The following CHST6 variants were observed in gnomAD, a reference collection of about 807,000 sequenced individuals.
CHST6 encodes the protein carbohydrate sulfotransferase 6.
For missense variants in CHST6, 698 were observed against 586.2 expected (o/e 1.19, Z -1.97); for synonymous variants, 309 against 276.4 (o/e 1.12, Z -1.17).
chr16:75,472,806 T>C lies in CHST6; in HGVS notation c.*5835A>G, dbSNP rs1255083775. 11 of 152,162 alleles carry C rather than the reference T, an allele frequency of 7.2e-5. No homozygotes were observed. The allele number at this position is 152,162 out of a possible 1,614,324, so 9.4% of individuals were successfully genotyped here. ...CCCCAACAGCCTCTTGATAGGTGGG[T>C]TCTCTGACCTATTCCAGGCAACACT... is the stretch of plus-strand genomic sequence containing the variant. On this transcript the variant is annotated 3_prime_UTR_variant, in exon 3 of 3. Transcript: ENST00000332272.
chr16:75,491,050 C>T (rs1284143190), intron 1 of CHST6, among the ~76,000 whole-genome samples: 1 of 149,772 alleles, frequency 6.7e-6, no homozygotes, highest in African/African-American at 2.5e-5. Context: ...CGCATGTAAT[C>T]CCAGCACTTT....
chr16:75,493,453 G>A (rs1316268677), intron 1 of CHST6, among the ~76,000 whole-genome samples: 2 of 151,068 alleles, frequency 1.3e-5, no homozygotes, highest in African/African-American at 4.9e-5. Context: ...AGAGGTTGCA[G>A]TGAGCCGAGA....
chr16:75,494,853 G>C (rs1284615922), intron 1 of CHST6, 87 bp downstream of exon 1: 1 of 152,372 alleles, frequency 6.6e-6, no homozygotes, highest in African/African-American at 2.4e-5. Flanking sequence ...GCAGGACAGA[G>C]GAGCGTCCCC....
In CHST6 at chr16:75,479,142, G is replaced by GA. The variant is rs1567409031; in HGVS notation, c.686_687insT (p.Gly230ArgfsTer19). On this transcript the variant is annotated frameshift_variant, in exon 3 of 3. Transcript: ENST00000332272. LOFTEE classifies it low-confidence loss of function (END_TRUNC). ...CGGGGTCGGCCTCCACCCACGTGCC[G>GA]TTGGTGCCCAGCACGATGCCGTTGT... 1 of 1,606,826 alleles carries GA rather than the reference G, an allele frequency of 6.2e-7. No individual in the cohort carries two copies.
At chr16:75,485,497 A>G (rs1258781718) in intron 1 of CHST6, among the ~76,000 whole-genome samples, 1 of 152,134 alleles carries the variant, frequency 6.6e-6, no homozygotes, top group Non-Finnish European at 1.5e-5. Flanking sequence ...AACCAGAGCA[A>G]AACACTCCAG....
At chr16:75,487,439 T>C (rs148595109) in intron 1 of CHST6, among the ~76,000 whole-genome samples, 115 of 151,268 alleles carry the variant, frequency 7.6e-4, no homozygotes, top group Non-Finnish European at 1.4e-3. Context: ...CTGAGGCAGG[T>C]GGCTCACCTG....
chr16:75,479,480 G>A lies in CHST6; in HGVS notation c.349C>T (p.Leu117=). The A allele has an allele frequency of 6.2e-7, 1 of 1,612,964 alleles. No homozygotes were observed. Among genetic ancestry groups the A allele is most frequent in the Non-Finnish European group, 8.5e-7 (1 of 1,179,880 alleles). The change falls in exon 3 of 3, where the codon CTG becomes TTG. Residue 117 remains leucine (L), a synonymous_variant. Coordinates refer to ENST00000332272, the MANE Select transcript of CHST6 (RefSeq NM_021615.5). ...FDAYLPWRRN[L]SDLFQWAVSR... ...ACGGCCCACTGGAAGAGGTCGGACAGGTTGCGGCGCCAAGGCAGATAGGCA... is the reference window on the plus strand; with the variant it reads ...ACGGCCCACTGGAAGAGGTCGGACAAGTTGCGGCGCCAAGGCAGATAGGCA...
rs1259274679 is a variant in CHST6 at position 75,474,512 on chromosome 16, G to A, written c.*4129C>T. 2.5e-5 allele frequency: 10 copies of A among 397,654 alleles called. No individual in the cohort carries two copies. The highest frequency in any genetic ancestry group is 4.4e-5 in the Non-Finnish European group (10 of 225,866). The allele number at this position is 397,654 out of a possible 1,614,324, so 24.6% of individuals were successfully genotyped here. A position where few individuals can be genotyped will look rare whatever the true frequency, so the allele number is the denominator to read the frequency against. Reference sequence around the variant, plus strand: ...GCTGGTCTTGAGTGCCTGGTCTCAAGTGATCCTCCTGCCTCAGCCTTGCAA... The same window carrying A: ...GCTGGTCTTGAGTGCCTGGTCTCAAATGATCCTCCTGCCTCAGCCTTGCAA... On this transcript the variant is annotated 3_prime_UTR_variant, in exon 3 of 3. Coordinates refer to ENST00000332272, the MANE Select transcript of CHST6 (RefSeq NM_021615.5).
intron 1 of CHST6, among the ~76,000 whole-genome samples, chr16:75,491,214 TATATAA>T (rs1180457996): frequency 2.4e-5 from 3 of 123,706 alleles, no homozygotes; most frequent in African/African-American, 9.1e-5. Flanking sequence ...TATATATATA[TATATAA>T]AATATAATAT....
At chr16:75,483,759 C>G (rs750456281) in intron 1 of CHST6, among the ~76,000 whole-genome samples, 2 of 152,198 alleles carry the variant, frequency 1.3e-5, no homozygotes, top group Non-Finnish European at 2.9e-5. Flanking sequence ...TACGGTAACT[C>G]ATGCCTGTAA....
At chr16:75,491,348 T>C (rs529602278) in intron 1 of CHST6, among the ~76,000 whole-genome samples, 27 of 150,784 alleles carry the variant, frequency 1.8e-4, no homozygotes, top group Non-Finnish European at 3.2e-4. Flanking sequence ...TATTTTTCTA[T>C]GGCCAGTTTA....
At position 75,481,569 on chromosome 16, in the gene CHST6, C is replaced by T. The variant is rs1213443320; in HGVS notation, c.-17+248G>A. 2.6e-5 allele frequency among the ~76,000 whole-genome samples: 4 copies of T among 152,020 alleles called. No homozygotes were observed. The South Asian group carries it at 6.2e-4, about 24-fold the overall frequency. On this transcript the variant is annotated intron_variant, in intron 2 of 2. Transcript: ENST00000332272. ...TGAGATTATGCCACTGCACTCCAGC[C>T]TGGGCAATAGAGTGAGACTCTTTCT...
intron 1 of CHST6, among the ~76,000 whole-genome samples, chr16:75,487,333 C>A (rs978390665): frequency 6.6e-6 from 1 of 152,154 alleles, no homozygotes; most frequent in Non-Finnish European, 1.5e-5. Flanking sequence ...GCTCTCTGGG[C>A]AGCACTCACT....
intron 1 of CHST6, among the ~76,000 whole-genome samples, chr16:75,491,399 T>C (rs1388425078): frequency 6.6e-6 from 1 of 151,794 alleles, no homozygotes; most frequent in Admixed American, 6.6e-5. Context: ...AGACGGAGTC[T>C]TGCTCTGTCG....
Position 75,489,512 on chromosome 16 carries a change from A to C in CHST6, c.-92+5428T>G, listed in dbSNP as rs78348016. 7.1e-3 allele frequency among the ~76,000 whole-genome samples: 1,077 copies of C among 152,118 alleles called. 19 individuals are homozygous for C. The highest frequency in any genetic ancestry group is 0.025 in the African/African-American group (1,035 of 41,432). On this transcript the variant is annotated intron_variant, in intron 1 of 2. Coordinates refer to ENST00000332272, the MANE Select transcript of CHST6 (RefSeq NM_021615.5). ...CAGTGTAACCTTGGAGCTCTTCGCT[A>C]CATAGTGTCAAGTGGAAAACAGAAG...
chr16:75,481,577 T>A (rs1037709109), intron 2 of CHST6, among the ~76,000 whole-genome samples: 1 of 152,030 alleles, frequency 6.6e-6, no homozygotes, highest in African/African-American at 2.4e-5. Flanking sequence ...GCCTGGGCAA[T>A]AGAGTGAGAC....
intron 2 of CHST6, among the ~76,000 whole-genome samples, chr16:75,481,382 C>G (rs543304140): frequency 9.9e-5 from 15 of 152,204 alleles, no homozygotes; most frequent in African/African-American, 3.1e-4. Context: ...CACCTGAAGT[C>G]AGGAGTTCGA....
At chr16:75,481,925 T>C (rs992645006) in intron 1 of CHST6, 34 bp from the exon 2 acceptor site, 8 of 458,340 alleles carry the variant, frequency 1.7e-5, no homozygotes, top group African/African-American at 1.6e-4. Context: ...AGTCACACTC[T>C]ACAGGGGAAG....
Position 75,479,719 on chromosome 16 carries a change from C to A in CHST6, c.110G>T (p.Gly37Val). 6.2e-7 allele frequency: 1 copy of A among 1,608,778 alleles called. No homozygotes were observed. Among genetic ancestry groups the A allele is most frequent in the Non-Finnish European group, 8.5e-7 (1 of 1,177,650 alleles). The change falls in exon 3 of 3, where the codon GGC becomes GTC. Residue 37 changes from glycine to valine, a missense_variant. Transcript: ENST00000332272. The stretch of plus-strand genomic sequence containing the variant: ...CACCAGCACATGCACGCGCGCCTCG[C>A]CGCCTGCTGGGGACGAGGGCCCTGG... ...SRPGPSSPAG[G>V]EARVHVLVLS...
Sources: allele counts gnomAD v4.1 joint callset (sites outside exome capture counted in the v4.1 genomes callset), GRCh38; gene constraint gnomAD v4.1.1; transcripts MANE v1.5; gene names NCBI Gene and HGNC (gene_info 2026-07-23, HGNC 2026-07-21).